Variants in ACOX1 observed in about 807,000 individuals in gnomAD.
ACOX1 encodes peroxisomal acyl-coenzyme A oxidase 1.
A neutral mutation model predicts 75.5 loss-of-function variants in ACOX1; 41 were observed. The observed-to-expected ratio is 0.54, with a 90% CI of 0.42 to 0.70. The LOEUF (loss-of-function observed/expected upper bound fraction) is 0.70, where lower values mean the gene tolerates loss of function less well. Among genes scored for constraint, ACOX1 ranks in the 30% least tolerant of loss-of-function variants. The pLI is 0.00. For synonymous variants in ACOX1, 303 were observed against 298.8 expected (o/e 1.01, Z -0.15); for missense variants, 630 against 837.5 (o/e 0.75, Z 3.06).
chr17:75,956,922 TC>T (rs2065830185), intron 4 of ACOX1, among the ~76,000 whole-genome samples: 1 of 36,840 alleles, frequency 2.7e-5, no homozygotes, highest in Non-Finnish European at 4.8e-5. Context: ...TCTCTCTCTC[TC>T]TCTCTCTCTC....
At position 75,960,184 on chromosome 17, in the gene ACOX1, C is replaced by T; in HGVS notation, c.430+31G>A. The T allele has an allele frequency of 6.2e-7, 1 of 1,613,588 alleles. No individual in the cohort carries two copies. The highest frequency in any genetic ancestry group is 2.2e-5 in the East Asian group (1 of 44,856). On this transcript the variant is annotated intron_variant, in intron 3 of 13. Transcript: ENST00000293217. The surrounding 1 kb of genome is among the most constrained non-coding windows in gnomAD (Gnocchi z 4.4). ...CATGGTAAGCTCACAGGGGCCCGCC[C>T]AACCCAGAAGGTAGACTGAATACTC... is the stretch of plus-strand genomic sequence containing the variant.
chr17:75,979,044 A>G lies in ACOX1; in HGVS notation c.30T>C (p.Asp10=). The part of the protein sequence containing the change: MNPDLRRER[D]SASFNPELLT... The stretch of plus-strand genomic sequence containing the variant: ...GCAGCTCCGGGTTGAAGCTGGCGGA[A>G]TCCCGCTCCCTGCGCAGGTCCGGGT... Residue 10 remains aspartate (D), a synonymous_variant, in exon 1 of 14, where the codon GAT becomes GAC. Coordinates refer to ENST00000293217, the MANE Select transcript of ACOX1 (RefSeq NM_004035.7). 1 of 1,612,304 alleles carries G rather than the reference A, an allele frequency of 6.2e-7. No individual in the cohort carries two copies. Among genetic ancestry groups the G allele is most frequent in the Non-Finnish European group, 8.5e-7 (1 of 1,179,982 alleles).
Position 75,950,903 on chromosome 17 carries a change from TC to T in ACOX1, c.1168del (p.Glu390LysfsTer38). The part of the protein sequence containing the change: ...FTSWTANTGI[E>X]ACRMACGGHG... ...CCCACCACAAGCCATCCGACATGCTTCAATGCCAGTGTTTGCAGTCCAGGAG... is the reference window on the plus strand; with the variant it reads ...CCCACCACAAGCCATCCGACATGCTTAATGCCAGTGTTTGCAGTCCAGGAG... On this transcript the variant is annotated frameshift_variant, in exon 9 of 14. Coordinates refer to ENST00000293217, the MANE Select transcript of ACOX1 (RefSeq NM_004035.7). LOFTEE classifies it high-confidence loss of function. This position sits in a 1 kb window ranked among gnomAD's most constrained non-coding sequence, Gnocchi z 4.3. 1 of 1,614,136 alleles carries T rather than the reference TC, an allele frequency of 6.2e-7. No individual in the cohort carries two copies. The highest frequency in any genetic ancestry group is 8.5e-7 in the Non-Finnish European group (1 of 1,180,016).
chr17:75,976,991 C>CTTTT (rs1019883355), intron 2 of ACOX1, among the ~76,000 whole-genome samples: 68 of 78,876 alleles, frequency 8.6e-4, no homozygotes, highest in African/African-American at 1.1e-3. Flanking sequence ...GCAAAAAAGT[C>CTTTT]TTTTTTTTTT....
At chr17:75,951,849 C>G (rs1015124777) in intron 7 of ACOX1, among the ~76,000 whole-genome samples, 3 of 123,170 alleles carry the variant, frequency 2.4e-5, no homozygotes, top group African/African-American at 9.8e-5. Context: ...GAGTCTCCCT[C>G]TGTCACCCAG....
chr17:75,960,196 T>C lies in ACOX1; in HGVS notation c.430+19A>G, dbSNP rs779833645. The C allele has an allele frequency of 3.1e-6, 5 of 1,613,796 alleles. No homozygotes were observed. In the South Asian group the frequency reaches 4.4e-5, roughly 14 times the overall value. ...ACAGGGGCCCGCCCAACCCAGAAGGTAGACTGAATACTCCATACCATGACC... is the reference window on the plus strand; with the variant it reads ...ACAGGGGCCCGCCCAACCCAGAAGGCAGACTGAATACTCCATACCATGACC... On this transcript the variant is annotated intron_variant, in intron 3 of 13. Transcript: ENST00000293217. This position sits in a 1 kb window ranked among gnomAD's most constrained non-coding sequence, Gnocchi z 4.4.
chr17:75,975,050 CAAAAA>C (rs1022347068), intron 2 of ACOX1, among the ~76,000 whole-genome samples: 88 of 40,268 alleles, frequency 2.2e-3, no homozygotes, highest in Non-Finnish European at 3.8e-3. Context: ...ACTCTGTCTC[CAAAAA>C]AAAAAAAAAA....
At chr17:75,964,595 GA>G (rs746509408) in intron 2 of ACOX1, among the ~76,000 whole-genome samples, 4 of 151,976 alleles carry the variant, frequency 2.6e-5, no homozygotes, top group Non-Finnish European at 5.9e-5. Flanking sequence ...ATGTTTTCAG[GA>G]AAAAAATATT....
intron 2 of ACOX1, among the ~76,000 whole-genome samples, chr17:75,963,570 C>G (rs1325914043): frequency 6.6e-6 from 1 of 151,874 alleles, no homozygotes; most frequent in Non-Finnish European, 1.5e-5. Context: ...GTGGCAGCGC[C>G]AGCCTCTAAT....
In ACOX1 at chr17:75,949,100, C is replaced by T. The variant is rs1056166638; in HGVS notation, c.1728+117G>A. On this transcript the variant is annotated intron_variant, in intron 12 of 13. Coordinates refer to ENST00000293217, the MANE Select transcript of ACOX1 (RefSeq NM_004035.7). ...TGAACTCCTGACCTCAAGTGATCAC[C>T]GTACCCGCCTTGGGCTCCCAAAGTG... The T allele has an allele frequency of 3.7e-5, 44 of 1,190,608 alleles. No homozygotes were observed. The African/African-American group carries it at 5.6e-4, about 15-fold the overall frequency. 73.8% of individuals were successfully genotyped at this position (1,190,608 alleles called of 1,614,324 possible). A position where few individuals can be genotyped will look rare whatever the true frequency, so the allele number is the denominator to read the frequency against.
intron 3 of ACOX1, among the ~76,000 whole-genome samples, chr17:75,958,208 C>G (rs1370167060): frequency 6.8e-6 from 1 of 146,590 alleles, no homozygotes; most frequent in Non-Finnish European, 1.5e-5. Context: ...AAAAAATTAG[C>G]CAGGCATTGT....
At chr17:75,947,457 G>A (rs1313268776) in intron 13 of ACOX1, among the ~76,000 whole-genome samples, 1 of 152,070 alleles carries the variant, frequency 6.6e-6, no homozygotes, top group Non-Finnish European at 1.5e-5. Flanking sequence ...ATGTTGGTCA[G>A]GCTGGTCTCA....
chr17:75,959,575 C>T (rs145765888), intron 3 of ACOX1, among the ~76,000 whole-genome samples: 1 of 152,290 alleles, frequency 6.6e-6, no homozygotes, highest in African/African-American at 2.4e-5. Flanking sequence ...CGGCCACCTC[C>T]AGCCCACCCA....
At chr17:75,955,719 C>A (rs1460664708) in intron 5 of ACOX1, 38 bp from the exon 6 acceptor site, 2 of 1,611,560 alleles carry the variant, frequency 1.2e-6, no homozygotes, top group South Asian at 2.2e-5. Flanking sequence ...GATGTTTATG[C>A]TCTGGAATTT....
At position 75,978,773 on chromosome 17, in the gene ACOX1, T is replaced by A; in HGVS notation, c.110-80A>T. On this transcript the variant is annotated intron_variant, in intron 1 of 13. Transcript: ENST00000293217. The surrounding 1 kb of genome is among the most constrained non-coding windows in gnomAD (Gnocchi z 4.2). ...CACCCTCCCTGAATCACAATAGGCT[T>A]CAGAGTCGCGGACACACCTGGGGAA... 1 of 1,610,448 alleles carries A rather than the reference T, an allele frequency of 6.2e-7. No individual in the cohort carries two copies. Among genetic ancestry groups the A allele is most frequent in the Non-Finnish European group, 8.5e-7 (1 of 1,179,870 alleles).
intron 2 of ACOX1, among the ~76,000 whole-genome samples, chr17:75,962,304 C>T (rs1295030826): frequency 2.0e-5 from 3 of 152,128 alleles, no homozygotes; most frequent in Non-Finnish European, 4.4e-5. Context: ...TGATAATAAA[C>T]AGCTTTATTA....
In ACOX1 at chr17:75,944,740, G is replaced by A. The variant is rs1237764005; in HGVS notation, c.*2008C>T. On this transcript the variant is annotated 3_prime_UTR_variant, in exon 14 of 14. Transcript: ENST00000293217. ...TTAATAAAAATAGCATCAAATGTCA[G>A]ATTTAGATTTTTTTTTTGAGACGGA... 2 of 152,026 alleles carry A rather than the reference G, an allele frequency of 1.3e-5. No individual in the cohort carries two copies. The highest frequency in any genetic ancestry group is 4.8e-5 in the African/African-American group (2 of 41,418). The allele number at this position is 152,026 out of a possible 1,614,324, so 9.4% of individuals were successfully genotyped here. A position where few individuals can be genotyped will look rare whatever the true frequency, so the allele number is the denominator to read the frequency against.
intron 2 of ACOX1, among the ~76,000 whole-genome samples, chr17:75,972,433 G>C (rs865945857): frequency 5.3e-5 from 8 of 151,360 alleles, no homozygotes; most frequent in Non-Finnish European, 1.0e-4. Context: ...GATCACCTGA[G>C]GTCAGGAGTT....
intron 2 of ACOX1, among the ~76,000 whole-genome samples, chr17:75,976,850 T>C (rs891597552): frequency 2.0e-5 from 3 of 152,020 alleles, no homozygotes; most frequent in African/African-American, 7.2e-5. Flanking sequence ...TCTTTACCGA[T>C]GAAAATACTG....
Sources: gnomAD v4.1 joint callset for allele counts (sites outside exome capture counted in the v4.1 genomes callset) on GRCh38, gnomAD v4.1.1 for gene constraint, Gnocchi (gnomAD v3.1) non-coding constraint, MANE v1.5 for transcripts, NCBI Gene and HGNC (gene_info 2026-07-23, HGNC 2026-07-21) for gene names.